WIPF1: variants seen among roughly 807,000 people sequenced by gnomAD.
WIPF1 encodes the protein WAS/WASL-interacting protein family member 1.
A neutral mutation model predicts 35.4 loss-of-function variants in WIPF1; 13 were observed. That is an observed-to-expected ratio of 0.37 (90% CI 0.24 to 0.58). The LOEUF is 0.58. Ranked by LOEUF, WIPF1 falls within the 20% of genes least tolerant of loss-of-function variation. The pLI is 0.74. For missense variants in WIPF1, 591 were observed against 667.0 expected, an observed-to-expected ratio of 0.89 and a Z score of 1.25; for synonymous variants, 267 against 266.3, an observed-to-expected ratio of 1.00 and a Z score of -0.02.
At chr2:174,639,410 C>T (rs766280934) in intron 1 of WIPF1, among the ~76,000 whole-genome samples, 12 of 152,254 alleles carry the variant, frequency 7.9e-5, no homozygotes, top group South Asian at 2.1e-4. Context: ...TGCATCATCA[C>T]GCTTGGCTAA....
chr2:174,627,501 CCCTTCCTT>C (rs779321946), intron 1 of WIPF1, among the ~76,000 whole-genome samples: 1 of 146,816 alleles, frequency 6.8e-6, no homozygotes, highest in East Asian at 2.0e-4. Flanking sequence ...CTTCCTTCCT[CCCTTCCTT>C]CCTTCCTTCC....
chr2:174,612,223 C>A (rs1686369803), intron 1 of WIPF1, among the ~76,000 whole-genome samples: 2 of 152,110 alleles, frequency 1.3e-5, no homozygotes, highest in African/African-American at 2.4e-5. Flanking sequence ...CCATTAATAC[C>A]CAGAGAAAAC....
intron 1 of WIPF1, among the ~76,000 whole-genome samples, chr2:174,597,087 TA>T (rs1314422294): frequency 6.6e-6 from 1 of 152,250 alleles, no homozygotes; most frequent in African/African-American, 2.4e-5. Context: ...AATCGTATTA[TA>T]AAAGACTCTG....
At chr2:174,665,801 G>C (rs930426766) in intron 1 of WIPF1, 1 of 152,204 alleles carries the variant, frequency 6.6e-6, no homozygotes, top group African/African-American at 2.4e-5. Context: ...CCCTGGTTTA[G>C]ACAATGTGTC....
rs137895878 is a variant in WIPF1, at chr2:174,621,863, A to C, written c.-38-36252T>G. ...TGCTTTGGACTGTGCAGGACTACAC[A>C]GTAGCCTACCAGGGTGATTAGGCAC... On this transcript the variant is annotated intron_variant, in intron 1 of 8. Coordinates refer to the WIPF1 transcript ENST00000272746. Among the ~76,000 whole-genome samples the C allele has an allele frequency of 4.6e-3, 705 of 152,318 alleles. 8 individuals carry two copies. The highest frequency in any genetic ancestry group is 0.017 in the Middle Eastern group (5 of 294).
chr2:174,671,685 T>C (rs895281985), intron 1 of WIPF1, among the ~76,000 whole-genome samples: 1 of 152,146 alleles, frequency 6.6e-6, no homozygotes, highest in Non-Finnish European at 1.5e-5. Flanking sequence ...ATGTCTGTCT[T>C]TTATGGTTGA....
chr2:174,623,128 A>AT (rs1446032343), intron 1 of WIPF1, among the ~76,000 whole-genome samples: 51 of 152,388 alleles, frequency 3.3e-4, no homozygotes, highest in African/African-American at 1.2e-3. Flanking sequence ...TATAATTTCA[A>AT]ATGGTAATAC....
intron 1 of WIPF1, among the ~76,000 whole-genome samples, chr2:174,607,439 G>T (rs1686206211): frequency 6.6e-6 from 1 of 152,072 alleles, no homozygotes; most frequent in African/African-American, 2.4e-5. Context: ...TCCCACCTCT[G>T]AACATGGTTG....
chr2:174,588,822 C>T (rs907801374), intron 1 of WIPF1, among the ~76,000 whole-genome samples: 12 of 152,202 alleles, frequency 7.9e-5, no homozygotes, highest in African/African-American at 2.2e-4. Flanking sequence ...AGAGGGTCTA[C>T]GGGTGAGGGC....
intron 1 of WIPF1, among the ~76,000 whole-genome samples, chr2:174,678,406 T>C (rs552438688): frequency 1.0e-3 from 153 of 152,236 alleles, no homozygotes; most frequent in Non-Finnish European, 1.7e-3. Flanking sequence ...ACTATTAGCA[T>C]AGTCTATTAT....
rs1310555468 is a variant in WIPF1 at position 174,568,090 on chromosome 2, CACTT to C, written c.1130-21_1130-18del. 2 of 1,605,118 alleles carry C rather than the reference CACTT, an allele frequency of 1.2e-6. No individual in the cohort carries two copies. Among genetic ancestry groups the C allele is most frequent in the Non-Finnish European group, 1.7e-6 (2 of 1,176,700 alleles). ...GGAGGGGGCCTGGAGCAAAAAAAGA[CACTT>C]AGTGCAGAACCTTACATCCACATTC... On this transcript the variant is annotated intron_variant, in intron 5 of 7. Transcript: ENST00000679041.
chr2:174,647,120 AAAGT>A (rs1321079273), intron 1 of WIPF1, among the ~76,000 whole-genome samples: 3 of 152,168 alleles, frequency 2.0e-5, no homozygotes, highest in Non-Finnish European at 2.9e-5. Context: ...TGTCTGATCA[AAAGT>A]AAGGAGGAAA....
intron 1 of WIPF1, among the ~76,000 whole-genome samples, chr2:174,607,705 G>A (rs1480220880): frequency 6.6e-6 from 1 of 151,978 alleles, no homozygotes; most frequent in African/African-American, 2.4e-5. Flanking sequence ...TGAGGACACT[G>A]TTCTCTTGGC....
chr2:174,579,577 C>T (rs1211075925), intron 3 of WIPF1, among the ~76,000 whole-genome samples: 1 of 152,192 alleles, frequency 6.6e-6, no homozygotes, highest in African/African-American at 2.4e-5. Context: ...CTGCACTGGA[C>T]TGTATCTTCC....
intron 1 of WIPF1, among the ~76,000 whole-genome samples, chr2:174,672,835 G>A (rs1346176737): frequency 6.6e-6 from 1 of 152,240 alleles, no homozygotes; most frequent in Non-Finnish European, 1.5e-5. Flanking sequence ...TACAACTGGT[G>A]AACTCCTCAT....
At position 174,568,051 on chromosome 2, in the gene WIPF1, TGGA is replaced by T; in HGVS notation, c.1149_1151del (p.Pro384del). The T allele has an allele frequency of 1.2e-6, 2 of 1,612,962 alleles. No homozygotes were observed. Among genetic ancestry groups the T allele is most frequent in the East Asian group, 2.2e-5 (1 of 44,884 alleles). On this transcript the variant is annotated inframe_deletion, in exon 6 of 8. Coordinates refer to ENST00000679041, the MANE Select transcript of WIPF1 (RefSeq NM_001375834.1). ...GAGATGTGCTGCCGTTTCTGCTTAC[TGGA>T]GGAGGTGGTGGGAGGGGGCCTGGAG...
intron 1 of WIPF1, among the ~76,000 whole-genome samples, chr2:174,682,001 C>A (rs1688257120): frequency 6.6e-6 from 1 of 152,244 alleles, no homozygotes; most frequent in Non-Finnish European, 1.5e-5. Context: ...GGGTCAGCTG[C>A]TTTCCCTTAC....
chr2:174,678,777 T>A (rs1288586134), intron 1 of WIPF1, among the ~76,000 whole-genome samples: 1 of 152,196 alleles, frequency 6.6e-6, no homozygotes, highest in Non-Finnish European at 1.5e-5. Flanking sequence ...ACAGAGTAGG[T>A]TTTCCTGGGT....
intron 1 of WIPF1, among the ~76,000 whole-genome samples, chr2:174,595,110 ATAT>A (rs1348137937): frequency 0.013 from 399 of 30,684 alleles, 8 homozygotes; most frequent in Middle Eastern, 0.023. Context: ...AAAAAAAAAA[ATAT>A]ATATATATAT....
Sources: gnomAD v4.1 joint callset for allele counts (sites outside exome capture counted in the v4.1 genomes callset) on GRCh38, gnomAD v4.1.1 for gene constraint, MANE v1.5 for transcripts, NCBI Gene and HGNC (gene_info 2026-07-23, HGNC 2026-07-21) for gene names.